Variants in TGIF2 observed in about 807,000 individuals in gnomAD.
TGIF2 encodes homeobox protein TGIF2.
A neutral mutation model predicts 15.1 loss-of-function variants in TGIF2; 5 were observed. That is an observed-to-expected ratio of 0.33 (90% CI 0.17 to 0.70). The LOEUF is 0.70. TGIF2 is among the 30% of genes least tolerant of loss of function. The pLI is 0.67. For missense variants in TGIF2, 264 were observed against 302.5 expected, an observed-to-expected ratio of 0.87 and a Z score of 0.94; for synonymous variants, 131 against 128.9, an observed-to-expected ratio of 1.02 and a Z score of -0.11.
At chr20:36,582,283 C>A (rs190296580) in intron 2 of TGIF2, among the ~76,000 whole-genome samples, 2 of 152,146 alleles carry the variant, frequency 1.3e-5, no homozygotes, top group East Asian at 3.9e-4. Context: ...CCCATCTCCC[C>A]GCAAGATGTT....
Position 36,593,485 on chromosome 20 carries a change from C to G in TGIF2, c.*2054C>G, listed in dbSNP as rs1349822266. On this transcript the variant is annotated 3_prime_UTR_variant, in exon 3 of 3. Transcript: ENST00000373872. ...TGTGTTGCCTCCCTCTGGCTTCTTC[C>G]TCCCGTGCCCTCTCCCCGTGTGCCC... The G allele has an allele frequency of 6.6e-6, 1 of 152,526 alleles. No individual in the cohort carries two copies. Among genetic ancestry groups the G allele is most frequent in the African/African-American group, 2.4e-5 (1 of 41,432 alleles). The allele number at this position is 152,526 out of a possible 1,614,324, so 9.4% of individuals were successfully genotyped here.
rs2038762358 is a variant in TGIF2 at position 36,591,142 on chromosome 20, C to T, written c.425C>T (p.Pro142Leu). 2.5e-6 allele frequency: 4 copies of T among 1,613,970 alleles called. No individual in the cohort carries two copies. The highest frequency in any genetic ancestry group is 1.7e-4 in the Middle Eastern group (1 of 6,056). The part of the protein sequence containing the change: ...MPLHSGQGEK[P>L]AAPFPRGELE... The stretch of plus-strand genomic sequence containing the variant: ...CTTCACTCAGGCCAGGGGGAAAAGC[C>T]AGCAGCCCCTTTCCCACGTGGGGAG... Residue 142 changes from proline (P) to leucine (L), a missense_variant, in exon 3 of 3, where the codon CCA (proline) becomes CTA (leucine). Physicochemically the swap from Pro to Leu is moderately conservative, Grantham distance 98. Coordinates refer to ENST00000373872, the MANE Select transcript of TGIF2 (RefSeq NM_021809.7). The surrounding 1 kb of genome is among the most constrained non-coding windows in gnomAD (Gnocchi z 5.3).
In TGIF2 at chr20:36,588,950, G is replaced by A. The variant is rs114171554; in HGVS notation, c.193-1960G>A. On this transcript the variant is annotated intron_variant, in intron 2 of 2. Transcript: ENST00000373872. ...CTGAGCTCATCAGCTACCATTCACC[G>A]GTTCCTTAAGCCAACCCTTTCCTGC... Among the ~76,000 whole-genome samples the A allele has an allele frequency of 6.7e-3, 1,019 of 152,226 alleles. 12 individuals carry two copies. The highest frequency in any genetic ancestry group is 0.023 in the African/African-American group (953 of 41,520).
At chr20:36,583,852 G>A (rs952760897) in intron 2 of TGIF2, among the ~76,000 whole-genome samples, 1 of 152,088 alleles carries the variant, frequency 6.6e-6, no homozygotes, top group East Asian at 1.9e-4. Flanking sequence ...AGCCGAGACT[G>A]AGCCACCGCA....
intron 1 of TGIF2, among the ~76,000 whole-genome samples, chr20:36,574,357 C>G (rs1350045693): frequency 1.4e-5 from 2 of 144,242 alleles, no homozygotes; most frequent in African/African-American, 2.6e-5. Flanking sequence ...TCGGGCAGGC[C>G]GAAGGTGATC....
Position 36,591,413 on chromosome 20 carries a change from C to A in TGIF2, c.696C>A (p.Val232=). 1.2e-6 allele frequency: 2 copies of A among 1,607,560 alleles called. No individual in the cohort carries two copies. The highest frequency in any genetic ancestry group is 1.7e-6 in the Non-Finnish European group (2 of 1,175,162). ...TACTGCACACTCCCATCCCTTTAGT[C>A]TCTGAAAATCCCCAGTAGGCATCTG... ...LPLLHTPIPL[V]SENPQ is the part of the protein sequence containing the mutation. The change falls in exon 3 of 3, where the codon GTC becomes GTA. Residue 232 remains valine (V), a synonymous_variant. Coordinates refer to ENST00000373872, the MANE Select transcript of TGIF2 (RefSeq NM_021809.7). This position sits in a 1 kb window ranked among gnomAD's most constrained non-coding sequence, Gnocchi z 5.3.
intron 2 of TGIF2, among the ~76,000 whole-genome samples, chr20:36,589,673 G>A (rs765804251): frequency 1.3e-5 from 2 of 152,046 alleles, no homozygotes; most frequent in Admixed American, 6.6e-5. Flanking sequence ...TTACAGGCGT[G>A]AGCCACCACG....
At chr20:36,587,807 G>A (rs1406924786) in intron 2 of TGIF2, among the ~76,000 whole-genome samples, 3 of 152,150 alleles carry the variant, frequency 2.0e-5, no homozygotes, top group Admixed American at 2.0e-4. Flanking sequence ...GCTCACACCT[G>A]TAATCCCAAC....
In TGIF2 at chr20:36,581,127, C is replaced by CA. The variant is rs1438415602; in HGVS notation, c.192+2169dup. On this transcript the variant is annotated intron_variant, in intron 2 of 2. Transcript: ENST00000373872. Reference sequence around the variant, plus strand: ...GGGCAACAAGAACAAGACTCGGTCTCAAAAAAAACACCTACTGGTCAGTGT... The same window carrying CA: ...GGGCAACAAGAACAAGACTCGGTCTCAAAAAAAAACACCTACTGGTCAGTGT... Among the ~76,000 whole-genome samples the CA allele has an allele frequency of 4.0e-5, 6 of 151,748 alleles. No homozygotes were observed. The South Asian group carries it at 6.2e-4, about 16-fold the overall frequency.
chr20:36,590,246 C>T (rs1341802295), intron 2 of TGIF2, among the ~76,000 whole-genome samples: 1 of 151,958 alleles, frequency 6.6e-6, no homozygotes, highest in African/African-American at 2.4e-5. Flanking sequence ...TGTGAGCCAC[C>T]GTGCCCAGCC....
chr20:36,582,351 A>T lies in TGIF2; in HGVS notation c.192+3385A>T, dbSNP rs181193246. ...AAAACATAAAACTGGGTATATATATAAAAAAAAAACCACTTCTTTTTGCTT... is the reference window on the plus strand; with the variant it reads ...AAAACATAAAACTGGGTATATATATTAAAAAAAAACCACTTCTTTTTGCTT... On this transcript the variant is annotated intron_variant, in intron 2 of 2. Transcript: ENST00000373872. 6.8e-3 allele frequency among the ~76,000 whole-genome samples: 1,015 copies of T among 149,166 alleles called. 7 individuals are homozygous for T. The highest frequency in any genetic ancestry group is 8.8e-3 in the Non-Finnish European group (588 of 67,112).
Position 36,591,293 on chromosome 20 carries a change from AGAGGACTTCAGCAGCTTCCAGCTGCTG to A in TGIF2, c.578_604del (p.Glu193_Leu201del). 6.2e-7 allele frequency: 1 copy of A among 1,614,192 alleles called. No individual in the cohort carries two copies. The highest frequency in any genetic ancestry group is 8.5e-7 in the Non-Finnish European group (1 of 1,180,044). Reference sequence around the variant, plus strand: ...CACCCACACCCCCAGAGCAGGACAAAGAGGACTTCAGCAGCTTCCAGCTGCTGGTGGAGGTGGCGCTACAGAGGGCTG... The same window carrying A: ...CACCCACACCCCCAGAGCAGGACAAAGTGGAGGTGGCGCTACAGAGGGCTG... On this transcript the variant is annotated inframe_deletion, in exon 3 of 3. Coordinates refer to ENST00000373872, the MANE Select transcript of TGIF2 (RefSeq NM_021809.7). The surrounding 1 kb of genome is among the most constrained non-coding windows in gnomAD (Gnocchi z 5.3).
At chr20:36,581,602 G>A (rs975768254) in intron 2 of TGIF2, among the ~76,000 whole-genome samples, 6 of 152,042 alleles carry the variant, frequency 3.9e-5, no homozygotes, top group African/African-American at 9.7e-5. Flanking sequence ...TCAAACCTGA[G>A]AAATATACTA....
rs2038774313 is a variant in TGIF2 at position 36,591,864 on chromosome 20, AGAG to A, written c.*436_*438del. 3 of 158,562 alleles carry A rather than the reference AGAG, an allele frequency of 1.9e-5. No homozygotes were observed. The highest frequency in any genetic ancestry group is 1.9e-4 in the Admixed American group (3 of 16,008). 9.8% of individuals were successfully genotyped at this position (158,562 alleles called of 1,614,324 possible). ...AGTTCATATGCGTGAACAAAAGAAA[AGAG>A]GAACCCAGTGGATGTAACAGAACCG... is the stretch of plus-strand genomic sequence containing the variant. On this transcript the variant is annotated 3_prime_UTR_variant, in exon 3 of 3. Transcript: ENST00000373872. This position sits in a 1 kb window ranked among gnomAD's most constrained non-coding sequence, Gnocchi z 5.3.
At chr20:36,589,244 A>G (rs931521637) in intron 2 of TGIF2, among the ~76,000 whole-genome samples, 1 of 152,132 alleles carries the variant, frequency 6.6e-6, no homozygotes, top group Non-Finnish European at 1.5e-5. Context: ...TAGGTGCACT[A>G]TAAGCTCCAC....
intron 1 of TGIF2, among the ~76,000 whole-genome samples, chr20:36,574,110 C>T (rs999928572): frequency 1.3e-5 from 2 of 151,314 alleles, no homozygotes; most frequent in African/African-American, 2.4e-5. Flanking sequence ...CGTTGCTAAC[C>T]GCCAGCAGGG....
intron 2 of TGIF2, among the ~76,000 whole-genome samples, chr20:36,584,547 A>G (rs62206109): frequency 6.6e-6 from 1 of 151,290 alleles, no homozygotes; most frequent in South Asian, 2.1e-4. Context: ...TGTATTTATT[A>G]ATTAATTTTT....
chr20:36,573,572 G>A (rs1352122881), upstream of TGIF2: 2 of 151,678 alleles, frequency 1.3e-5, no homozygotes, highest in Non-Finnish European at 2.9e-5. Context: ...AGAGGGCGCG[G>A]GGGGAGGAGA....
At chr20:36,587,798 C>T (rs1393356019) in intron 2 of TGIF2, among the ~76,000 whole-genome samples, 1 of 152,118 alleles carries the variant, frequency 6.6e-6, no homozygotes, top group Non-Finnish European at 1.5e-5. Flanking sequence ...GGCGTGGTGG[C>T]TCACACCTGT....
Sources: gnomAD v4.1 joint callset for allele counts (sites outside exome capture counted in the v4.1 genomes callset) on GRCh38, gnomAD v4.1.1 for gene constraint, Gnocchi (gnomAD v3.1) non-coding constraint, MANE v1.5 for transcripts, NCBI Gene and HGNC (gene_info 2026-07-23, HGNC 2026-07-21) for gene names.